The following RBFOX1 variants were observed in gnomAD, a reference collection of about 807,000 sequenced individuals.
The protein encoded by RBFOX1 is RNA binding protein fox-1 homolog 1.
RBFOX1 carries 8 observed loss-of-function variants against 57.7 expected under a neutral mutation model. The observed-to-expected ratio is 0.14, with a 90% CI of 0.08 to 0.25. The LOEUF (loss-of-function observed/expected upper bound fraction) is 0.25, where lower values mean the gene tolerates loss of function less well. Ranked by LOEUF, RBFOX1 falls within the 10% of genes least tolerant of loss-of-function variation. The pLI, the probability that RBFOX1 is intolerant of heterozygous loss-of-function variation, is 1.00. For synonymous variants in RBFOX1, 326 were observed against 222.4 expected, an observed-to-expected ratio of 1.47 and a Z score of -4.15; for missense variants, 611 against 548.5, an observed-to-expected ratio of 1.11 and a Z score of -1.14.
intron 1 of RBFOX1, among the ~76,000 whole-genome samples, chr16:5,393,787 G>C (rs932714219): frequency 2.0e-5 from 3 of 152,222 alleles, no homozygotes; most frequent in African/African-American, 7.2e-5. Context: ...GTTATTCACA[G>C]TGCTGTCCAA....
chr16:7,306,580 CGTGTGTGT>C (rs58761346), intron 4 of RBFOX1, among the ~76,000 whole-genome samples: 1 of 148,934 alleles, frequency 6.7e-6, no homozygotes, highest in Non-Finnish European at 1.5e-5. Flanking sequence ...GAATGGTGTG[CGTGTGTGT>C]GTGTGTGTGT....
intron 1 of RBFOX1, among the ~76,000 whole-genome samples, chr16:6,216,289 A>T (rs11077012): frequency 0.41 from 61,952 of 151,578 alleles, 13,236 homozygotes; most frequent in South Asian, 0.53. Flanking sequence ...AAATAAAAGT[A>T]TAAAAACCCC....
At chr16:6,720,352 C>G (rs924062672) in intron 3 of RBFOX1, among the ~76,000 whole-genome samples, 1 of 152,160 alleles carries the variant, frequency 6.6e-6, no homozygotes, top group Non-Finnish European at 1.5e-5. Context: ...TGAAAGTTTC[C>G]TCAGTCTTCC....
chr16:7,626,970 G>T (rs933272846), intron 10 of RBFOX1, among the ~76,000 whole-genome samples: 5 of 152,144 alleles, frequency 3.3e-5, no homozygotes, highest in Non-Finnish European at 5.9e-5. Flanking sequence ...GTAGAAAATT[G>T]TAGTAGAGGA....
chr16:5,834,289 A>G (rs1007625612), intron 3 of RBFOX1, among the ~76,000 whole-genome samples: 2 of 152,162 alleles, frequency 1.3e-5, no homozygotes, highest in Non-Finnish European at 1.5e-5. Flanking sequence ...TGTCCACCAT[A>G]CCACTCTGTA....
At chr16:7,200,334 C>A (rs531393083) in intron 4 of RBFOX1, among the ~76,000 whole-genome samples, 3 of 152,260 alleles carry the variant, frequency 2.0e-5, no homozygotes, top group South Asian at 4.1e-4. Context: ...GTTGGCCTGT[C>A]TTATGGAAGA....
At chr16:5,408,122 T>A (rs988751923) in intron 1 of RBFOX1, among the ~76,000 whole-genome samples, 1 of 152,200 alleles carries the variant, frequency 6.6e-6, no homozygotes, top group Non-Finnish European at 1.5e-5. Context: ...CCTCCTCCTG[T>A]CCAGTTGTGG....
At chr16:5,897,834 CTTT>C (rs59833852) in intron 4 of RBFOX1, among the ~76,000 whole-genome samples, 8 of 140,574 alleles carry the variant, frequency 5.7e-5, no homozygotes, top group Admixed American at 7.1e-5. Context: ...TTTAACTTCT[CTTT>C]TTTTTTTTTT....
chr16:7,036,874 G>A (rs1040880248), intron 3 of RBFOX1, among the ~76,000 whole-genome samples: 1 of 152,212 alleles, frequency 6.6e-6, no homozygotes, highest in Non-Finnish European at 1.5e-5. Flanking sequence ...AGTGGATGAT[G>A]AGCCCCTTGG....
At chr16:5,382,555 C>T (rs1443235085) in intron 1 of RBFOX1, among the ~76,000 whole-genome samples, 2 of 152,132 alleles carry the variant, frequency 1.3e-5, no homozygotes, top group South Asian at 2.1e-4. Context: ...CTCACCTCCT[C>T]GTCTGTACTT....
chr16:7,020,065 A>G (rs13332966), intron 3 of RBFOX1, among the ~76,000 whole-genome samples: 1,760 of 149,734 alleles, frequency 0.012, 33 homozygotes, highest in African/African-American at 0.041. Context: ...TGAACCTTTC[A>G]TGTCTTCCTG....
chr16:5,436,396 A>G (rs2067918887), intron 1 of RBFOX1, among the ~76,000 whole-genome samples: 1 of 152,212 alleles, frequency 6.6e-6, no homozygotes, highest in Non-Finnish European at 1.5e-5. Flanking sequence ...TGGCTGAGTG[A>G]TTTACACTCA....
intron 2 of RBFOX1, among the ~76,000 whole-genome samples, chr16:6,488,796 C>G (rs564783390): frequency 6.6e-6 from 1 of 152,252 alleles, no homozygotes; most frequent in Non-Finnish European, 1.5e-5. Context: ...GAGAGGATGA[C>G]TCCCTCCTGC....
chr16:7,129,775 A>G (rs2069698204), intron 4 of RBFOX1, among the ~76,000 whole-genome samples: 1 of 148,872 alleles, frequency 6.7e-6, no homozygotes, highest in Admixed American at 6.8e-5. Flanking sequence ...CTAGCTGCAA[A>G]GAGACATTTA....
chr16:5,469,392 G>A (rs1335554487), intron 2 of RBFOX1, among the ~76,000 whole-genome samples: 1 of 152,180 alleles, frequency 6.6e-6, no homozygotes, highest in Non-Finnish European at 1.5e-5. Context: ...TGGTGGGGGA[G>A]CAGTTTATAA....
At chr16:7,649,792 G>A (rs143016845) in intron 11 of RBFOX1, among the ~76,000 whole-genome samples, 9 of 152,274 alleles carry the variant, frequency 5.9e-5, no homozygotes, top group Admixed American at 4.6e-4. Flanking sequence ...TTGCATGCAC[G>A]CACCAGTAAG....
chr16:6,168,852 C>A (rs1286590134), intron 1 of RBFOX1, among the ~76,000 whole-genome samples: 1 of 151,164 alleles, frequency 6.6e-6, no homozygotes, highest in Non-Finnish European at 1.5e-5. Flanking sequence ...CCAGTGGATT[C>A]TCTCTGGGGT....
At chr16:6,878,619 G>A (rs191460308) in intron 3 of RBFOX1, among the ~76,000 whole-genome samples, 1 of 151,854 alleles carries the variant, frequency 6.6e-6, no homozygotes, top group African/African-American at 2.4e-5. Flanking sequence ...TTTTGTTTGT[G>A]TGTTGTCAAG....
intron 1 of RBFOX1, among the ~76,000 whole-genome samples, chr16:6,046,333 C>A (rs1166771933): frequency 1.3e-5 from 2 of 152,110 alleles, no homozygotes; most frequent in Non-Finnish European, 2.9e-5. Flanking sequence ...TGACTTCTAG[C>A]AAATGCAGAA....
Sources: gnomAD v4.1 joint callset for allele counts (sites outside exome capture counted in the v4.1 genomes callset) on GRCh38, gnomAD v4.1.1 for gene constraint, MANE v1.5 for transcripts, NCBI Gene and HGNC (gene_info 2026-07-23, HGNC 2026-07-21) for gene names.